The following SPRED2 variants were observed in gnomAD, a reference collection of about 807,000 sequenced individuals.
The protein encoded by SPRED2 is sprouty-related, EVH1 domain-containing protein 2.
Under a neutral mutation model 43.0 loss-of-function variants are expected in SPRED2, and 47 were observed. The ratio of observed to expected loss-of-function variants is 1.09; its 90% confidence interval spans 0.87 to 1.40. The LOEUF (loss-of-function observed/expected upper bound fraction) is 1.40, where lower values mean the gene tolerates loss of function less well. Among genes scored for constraint, SPRED2 ranks in the 40% most tolerant of loss-of-function variants. The pLI is 0.00. For synonymous variants in SPRED2, 225 were observed against 225.7 expected, an observed-to-expected ratio of 1.00 and a Z score of 0.03; for missense variants, 561 against 586.4, an observed-to-expected ratio of 0.96 and a Z score of 0.45.
chr2:65,415,786 T>C (rs1257906309), intron 1 of SPRED2, among the ~76,000 whole-genome samples: 1 of 152,222 alleles, frequency 6.6e-6, no homozygotes, highest in Admixed American at 6.5e-5. Flanking sequence ...AATTTATTTT[T>C]TATTGGCTCT....
chr2:65,406,111 A>G (rs1437244613), intron 1 of SPRED2, among the ~76,000 whole-genome samples: 2 of 152,130 alleles, frequency 1.3e-5, no homozygotes, highest in African/African-American at 2.4e-5. Flanking sequence ...CCTGGCCTCT[A>G]TGTTGGTGAT....
rs538355191 is a variant in SPRED2 at position 65,315,795 on chromosome 2, A to G, written c.588+939T>C. ...TGCTTCAGCCTCCCGAGTAGCTGGG[A>G]CTACAGGCGCCCGCCACCACACCCA... On this transcript the variant is annotated intron_variant, in intron 5 of 5. Coordinates refer to ENST00000356388, the MANE Select transcript of SPRED2 (RefSeq NM_181784.3). Among the ~76,000 whole-genome samples, 5 of 152,290 alleles carry G rather than the reference A, an allele frequency of 3.3e-5. No individual in the cohort carries two copies. The South Asian group carries it at 8.3e-4, about 25-fold the overall frequency.
At chr2:65,406,746 C>T (rs1229923108) in intron 1 of SPRED2, among the ~76,000 whole-genome samples, 6 of 152,208 alleles carry the variant, frequency 3.9e-5, no homozygotes, top group African/African-American at 1.4e-4. Flanking sequence ...TCCACCCTTG[C>T]AGGAAGCTAA....
chr2:65,331,925 AC>A (rs1673823649), intron 4 of SPRED2, 61 bp downstream of exon 4: 2 of 1,374,188 alleles, frequency 1.5e-6, no homozygotes, highest in Non-Finnish European at 2.0e-6. Context: ...ATGCCCTTAA[AC>A]AAAACCTTTC....
chr2:65,392,460 G>C (rs1675662453), intron 1 of SPRED2, among the ~76,000 whole-genome samples: 1 of 152,154 alleles, frequency 6.6e-6, no homozygotes, highest in African/African-American at 2.4e-5. Flanking sequence ...ACAGGCGTGA[G>C]CCACTAAACC....
At chr2:65,329,383 G>A (rs1027836965) in intron 4 of SPRED2, among the ~76,000 whole-genome samples, 1 of 152,200 alleles carries the variant, frequency 6.6e-6, no homozygotes, top group Non-Finnish European at 1.5e-5. Flanking sequence ...GGCTTTTCTA[G>A]GGAAAGGAGG....
At chr2:65,375,438 CT>C (rs11355780) in intron 1 of SPRED2, among the ~76,000 whole-genome samples, 15,073 of 152,154 alleles carry the variant, frequency 0.099, 2,436 homozygotes, top group African/African-American at 0.34. Context: ...AGCACTCATC[CT>C]CATAATAGTA....
chr2:65,407,069 A>C (rs1175293894), intron 1 of SPRED2, among the ~76,000 whole-genome samples: 1 of 151,792 alleles, frequency 6.6e-6, no homozygotes, highest in Non-Finnish European at 1.5e-5. Context: ...CTGGGACTAC[A>C]GGCACCCACC....
At chr2:65,328,023 A>T (rs1673697931) in intron 4 of SPRED2, among the ~76,000 whole-genome samples, 1 of 151,808 alleles carries the variant, frequency 6.6e-6, no homozygotes, top group Admixed American at 6.6e-5. Flanking sequence ...TGCCCGGCCC[A>T]TTTTTGCTTT....
chr2:65,388,957 C>T (rs185802139), intron 1 of SPRED2, among the ~76,000 whole-genome samples: 4 of 152,286 alleles, frequency 2.6e-5, no homozygotes, highest in African/African-American at 9.6e-5. Flanking sequence ...AGAAAGCTGG[C>T]GAGTCACTGG....
rs146665875 is a variant in SPRED2 at position 65,388,125 on chromosome 2, T to C, written c.27-43229A>G. Among the ~76,000 whole-genome samples, 322 of 152,316 alleles carry C rather than the reference T, an allele frequency of 2.1e-3. 3 individuals are homozygous for C. Among genetic ancestry groups the C allele is most frequent in the African/African-American group, 6.9e-3 (286 of 41,560 alleles). Reference sequence around the variant, plus strand: ...TCTAAAAACCACCACGATGCAGCCATGCAGCTCGCGTCTTCAGCTTCAGCA... The same window carrying C: ...TCTAAAAACCACCACGATGCAGCCACGCAGCTCGCGTCTTCAGCTTCAGCA... On this transcript the variant is annotated intron_variant, in intron 1 of 5. Transcript: ENST00000356388.
intron 4 of SPRED2, 91 bp downstream of exon 4, chr2:65,331,896 G>C: frequency 1.1e-6 from 1 of 940,946 alleles, no homozygotes. Flanking sequence ...AGCAAACACT[G>C]CATTGCAAAG....
In SPRED2 at chr2:65,373,262, T is replaced by TGTAC. The variant is rs1675171357; in HGVS notation, c.27-28367_27-28366insGTAC. On this transcript the variant is annotated intron_variant, in intron 1 of 5. Coordinates refer to ENST00000356388, the MANE Select transcript of SPRED2 (RefSeq NM_181784.3). The stretch of plus-strand genomic sequence containing the variant: ...AGAAAATGCAGGGTTTAAACTAGTT[T>TGTAC]AGTACCTGAAGCTCCAACACAGCGA... Among the ~76,000 whole-genome samples the TGTAC allele has an allele frequency of 2.0e-5, 3 of 152,210 alleles. No homozygotes were observed. In the South Asian group the frequency reaches 6.2e-4, roughly 32 times the overall value.
chr2:65,353,295 C>T (rs1674561817), intron 1 of SPRED2, among the ~76,000 whole-genome samples: 1 of 152,186 alleles, frequency 6.6e-6, no homozygotes, highest in South Asian at 2.1e-4. Flanking sequence ...AGGGGCATGT[C>T]CCTCCTCATG....
intron 1 of SPRED2, among the ~76,000 whole-genome samples, chr2:65,365,508 C>A (rs570823575): frequency 3.5e-4 from 54 of 152,250 alleles, no homozygotes; most frequent in Admixed American, 8.5e-4. Context: ...CAAAGATTGC[C>A]GATTTTTCCA....
intron 1 of SPRED2, among the ~76,000 whole-genome samples, chr2:65,418,788 G>C (rs964660248): frequency 6.6e-6 from 1 of 151,914 alleles, no homozygotes; most frequent in African/African-American, 2.4e-5. Context: ...CTCCTGACCT[G>C]AAGTGATCTG....
chr2:65,407,332 A>C (rs1341517246), intron 1 of SPRED2, among the ~76,000 whole-genome samples: 1 of 142,296 alleles, frequency 7.0e-6, no homozygotes, highest in Non-Finnish European at 1.5e-5. Context: ...CCCAAACCAC[A>C]ATAACTTAAC....
chr2:65,335,059 G>T (rs998531064), intron 2 of SPRED2, among the ~76,000 whole-genome samples: 2 of 152,132 alleles, frequency 1.3e-5, no homozygotes, highest in Admixed American at 6.5e-5. Flanking sequence ...TGATGCTCAG[G>T]TCTTGGGTCT....
chr2:65,341,363 T>C (rs976179871), intron 2 of SPRED2, among the ~76,000 whole-genome samples: 1 of 147,504 alleles, frequency 6.8e-6, no homozygotes, highest in Non-Finnish European at 1.5e-5. Flanking sequence ...TGGAGAAACA[T>C]GATGGGGGAG....
Sources: allele counts gnomAD v4.1 joint callset (sites outside exome capture counted in the v4.1 genomes callset), GRCh38; gene constraint gnomAD v4.1.1; transcripts MANE v1.5; gene names NCBI Gene and HGNC (gene_info 2026-07-23, HGNC 2026-07-21).